The following METTL15 variants were observed in gnomAD, a reference collection of about 807,000 sequenced individuals.
METTL15 encodes 12S rRNA N(4)-cytidine methyltransferase METTL15.
In METTL15, 34 loss-of-function variants were observed where a neutral mutation model predicts 38.3. The observed-to-expected ratio is 0.89, with a 90% confidence interval of 0.68 to 1.18. The LOEUF (loss-of-function observed/expected upper bound fraction) is 1.18. Ranked by LOEUF, METTL15 falls within the 50% of genes most tolerant of loss-of-function variation. The pLI is 0.00. For missense variants in METTL15, 438 were observed against 498.4 expected, an observed-to-expected ratio of 0.88 and a Z score of 1.15; for synonymous variants, 162 against 170.9, an observed-to-expected ratio of 0.95 and a Z score of 0.41.
intron 5 of METTL15, among the ~76,000 whole-genome samples, chr11:28,374,854 T>G (rs1467111238): frequency 2.0e-5 from 3 of 150,660 alleles, no homozygotes; most frequent in African/African-American, 7.3e-5. Flanking sequence ...ATACCTAATT[T>G]ATTGAGAGTT....
At chr11:28,417,932 T>C (rs770342289) in intron 5 of METTL15, among the ~76,000 whole-genome samples, 1 of 152,230 alleles carries the variant, frequency 6.6e-6, no homozygotes, top group Admixed American at 6.5e-5. Flanking sequence ...TTCCCTGCTT[T>C]ATTAAATAGA....
intron 5 of METTL15, among the ~76,000 whole-genome samples, chr11:28,403,809 T>TA (rs1850651082): frequency 1.3e-5 from 2 of 152,226 alleles, no homozygotes; most frequent in South Asian, 4.1e-4. Flanking sequence ...AACATATCAT[T>TA]AGGACATTTT....
At chr11:28,205,919 C>T (rs886262298) in intron 3 of METTL15, among the ~76,000 whole-genome samples, 2 of 149,782 alleles carry the variant, frequency 1.3e-5, no homozygotes, top group African/African-American at 2.5e-5. Flanking sequence ...TGAGAAGTGT[C>T]TGCTCATGTC....
chr11:28,269,387 A>G (rs933207731), intron 4 of METTL15, among the ~76,000 whole-genome samples: 2 of 152,016 alleles, frequency 1.3e-5, no homozygotes, highest in Admixed American at 6.6e-5. Context: ...AAAATGTGTA[A>G]TATATTTAAA....
intron 4 of METTL15, among the ~76,000 whole-genome samples, chr11:28,227,061 C>A (rs1359978674): frequency 6.6e-6 from 1 of 151,814 alleles, no homozygotes; most frequent in Non-Finnish European, 1.5e-5. Context: ...TTAAATATAA[C>A]CTTCGCTCAG....
chr11:28,137,820 G>A (rs1849564458), intron 3 of METTL15, among the ~76,000 whole-genome samples: 1 of 149,498 alleles, frequency 6.7e-6, no homozygotes, highest in Non-Finnish European at 1.5e-5. Flanking sequence ...TTGGATCTAA[G>A]CACTTATTTT....
In METTL15 at chr11:28,108,390, C is replaced by G. The variant is rs1851573916; in HGVS notation, c.-316C>G. ...GGCCGGAGCTGCTGGTGGGAGGCAG[C>G]CACTTGAGATCACCAGGCCTCCTGT... On this transcript the variant is annotated 5_prime_UTR_variant, in exon 1 of 7. Transcript: ENST00000407364. The G allele has an allele frequency of 1.3e-5, 2 of 152,438 alleles. No homozygotes were observed. Among genetic ancestry groups the G allele is most frequent in the African/African-American group, 4.8e-5 (2 of 41,462 alleles). The allele number at this position is 152,438 out of a possible 1,614,324, so 9.4% of individuals were successfully genotyped here.
At chr11:28,330,161 C>G (rs773583995) in intron 6 of METTL15, among the ~76,000 whole-genome samples, 2 of 152,060 alleles carry the variant, frequency 1.3e-5, no homozygotes, top group African/African-American at 2.4e-5. Context: ...TTCTGTGCTC[C>G]TTGTTAAACT....
chr11:28,432,936 T>TC (rs1485437961), intron 6 of METTL15, among the ~76,000 whole-genome samples: 1 of 151,444 alleles, frequency 6.6e-6, no homozygotes, highest in Non-Finnish European at 1.5e-5. Flanking sequence ...CACATTTTTT[T>TC]TTTTTGCCTT....
At chr11:28,113,210 T>C (rs1851787441) in intron 2 of METTL15, 108 bp from the exon 3 acceptor site, 1 of 734,136 alleles carries the variant, frequency 1.4e-6, no homozygotes, top group South Asian at 2.2e-5. Context: ...TCATGAGTCT[T>C]AACTTTTTTT....
intron 3 of METTL15, among the ~76,000 whole-genome samples, chr11:28,128,249 A>G (rs940264724): frequency 6.6e-6 from 1 of 152,138 alleles, no homozygotes; most frequent in African/African-American, 2.4e-5. Context: ...TAGAAAAAAA[A>G]TTAACCAGAA....
chr11:28,345,701 C>G (rs1361229727), intron 3 of METTL15, among the ~76,000 whole-genome samples: 1 of 152,080 alleles, frequency 6.6e-6, no homozygotes, highest in Non-Finnish European at 1.5e-5. Flanking sequence ...TTTGGTGCGC[C>G]AACAAGACAG....
intron 3 of METTL15, among the ~76,000 whole-genome samples, chr11:28,178,634 C>A (rs1368168018): frequency 6.6e-6 from 1 of 151,614 alleles, no homozygotes; most frequent in Non-Finnish European, 1.5e-5. Flanking sequence ...TGTGCTTTCC[C>A]TTAGTGTATG....
At chr11:28,250,164 G>C (rs144966413) in intron 4 of METTL15, among the ~76,000 whole-genome samples, 103 of 152,142 alleles carry the variant, frequency 6.8e-4, no homozygotes, top group African/African-American at 2.3e-3. Flanking sequence ...TTGCTATTGT[G>C]AATAGTGCTG....
intron 3 of METTL15, among the ~76,000 whole-genome samples, chr11:28,351,582 C>T (rs747301831): frequency 2.6e-5 from 4 of 152,202 alleles, no homozygotes; most frequent in Admixed American, 1.3e-4. Context: ...CCTTACTATA[C>T]TATCCAAGTG....
At chr11:28,464,859 GT>G (rs905613037) in intron 6 of METTL15, among the ~76,000 whole-genome samples, 1 of 152,138 alleles carries the variant, frequency 6.6e-6, no homozygotes, top group Admixed American at 6.6e-5. Flanking sequence ...AAAAAGATAA[GT>G]GCTATATTTC....
rs376471768 is a variant in METTL15 at position 28,287,527 on chromosome 11, A to G, written c.408-2679A>G. On this transcript the variant is annotated intron_variant, in intron 4 of 6. Coordinates refer to ENST00000407364, the MANE Select transcript of METTL15 (RefSeq NM_001113528.2). ...CATCATCACATTGAGAAACCGGACA[A>G]TAACTTCGGAGCTCGGCCTAATAAG... 76 of 343,006 alleles carry G rather than the reference A, an allele frequency of 2.2e-4. 2 individuals are homozygous for G. Among genetic ancestry groups the G allele is most frequent in the South Asian group, 1.0e-3 (39 of 38,430 alleles). The allele number at this position is 343,006 out of a possible 1,614,324, so 21.2% of individuals were successfully genotyped here.
chr11:28,212,949 A>G (rs1437536645), intron 4 of METTL15, among the ~76,000 whole-genome samples: 1 of 152,062 alleles, frequency 6.6e-6, no homozygotes, highest in African/African-American at 2.4e-5. Flanking sequence ...AAATTTTACC[A>G]TGTGTAATTT....
chr11:28,120,872 C>CT (rs1852203302), intron 3 of METTL15, among the ~76,000 whole-genome samples: 1 of 151,780 alleles, frequency 6.6e-6, no homozygotes. Context: ...TTTTTTTCTC[C>CT]TTTTTTCTTT....
Sources: allele counts gnomAD v4.1 joint callset (sites outside exome capture counted in the v4.1 genomes callset), GRCh38; gene constraint gnomAD v4.1.1; transcripts MANE v1.5; gene names NCBI Gene and HGNC (gene_info 2026-07-23, HGNC 2026-07-21).